EXOC4: variants seen among roughly 807,000 people sequenced by gnomAD.
EXOC4 encodes the protein exocyst complex component 4, also known as SEC8-like 1.
Under a neutral mutation model 107.2 loss-of-function variants are expected in EXOC4, and 71 were observed. That is an observed-to-expected ratio of 0.66 (90% CI 0.55 to 0.81). EXOC4 has a LOEUF of 0.81. EXOC4 is among the 30% of genes least tolerant of loss of function. The pLI, the probability that EXOC4 is intolerant of heterozygous loss-of-function variation, is 0.00. For missense variants in EXOC4, 1,108 were observed against 1,189.6 expected (o/e 0.93, Z 1.01); for synonymous variants, 456 against 441.2 (o/e 1.03, Z -0.42).
intron 10 of EXOC4, among the ~76,000 whole-genome samples, chr7:133,761,560 T>TG (rs1796033143): frequency 6.6e-6 from 1 of 152,184 alleles, no homozygotes; most frequent in African/African-American, 2.4e-5. Context: ...ATGCGTTGGC[T>TG]GTTGACTCAG....
chr7:134,069,586 C>A (rs1435059776), downstream of EXOC4, among the ~76,000 whole-genome samples: 2 of 152,160 alleles, frequency 1.3e-5, no homozygotes, highest in African/African-American at 4.8e-5. Flanking sequence ...CAACCTCTGC[C>A]TCCTGGGTTC....
At chr7:133,816,902 C>T (rs1219404420) in intron 10 of EXOC4, among the ~76,000 whole-genome samples, 2 of 152,160 alleles carry the variant, frequency 1.3e-5, no homozygotes, top group Non-Finnish European at 2.9e-5. Flanking sequence ...TAACAGGCCA[C>T]AGACCCGTAC....
chr7:133,818,625 T>C (rs1049042395), intron 11 of EXOC4, among the ~76,000 whole-genome samples: 1 of 152,160 alleles, frequency 6.6e-6, no homozygotes, highest in African/African-American at 2.4e-5. Context: ...GTGAGGGATC[T>C]GTACTGAGTG....
chr7:133,453,434 A>G lies in EXOC4; in HGVS notation c.1183-21894A>G, dbSNP rs550622126. On this transcript the variant is annotated intron_variant, in intron 7 of 17. Coordinates refer to ENST00000253861, the MANE Select transcript of EXOC4 (RefSeq NM_021807.4). ...TTCTCTCTATATTTGCTCTTGGATA[A>G]TAGCACGCAGATCTGTAATCATTTA... Among the ~76,000 whole-genome samples, 19 of 152,326 alleles carry G rather than the reference A, an allele frequency of 1.2e-4. No individual in the cohort carries two copies. In the South Asian group the frequency reaches 3.7e-3, roughly 30 times the overall value.
chr7:133,945,207 A>G (rs1800521304), intron 14 of EXOC4, among the ~76,000 whole-genome samples: 2 of 152,196 alleles, frequency 1.3e-5, no homozygotes, highest in Admixed American at 1.3e-4. Flanking sequence ...CCTATGTTGT[A>G]AAGGAGTGGT....
intron 9 of EXOC4, among the ~76,000 whole-genome samples, chr7:133,481,404 G>C (rs959743547): frequency 2.6e-5 from 4 of 151,948 alleles, no homozygotes. Flanking sequence ...GTCTTGATGC[G>C]TTGGGCTCAC....
At chr7:133,740,708 C>G (rs1795545621) in intron 10 of EXOC4, among the ~76,000 whole-genome samples, 1 of 152,156 alleles carries the variant, frequency 6.6e-6, no homozygotes, top group African/African-American at 2.4e-5. Context: ...ACAAAGTCCC[C>G]TTTCTCACTC....
At chr7:133,379,377 C>T (rs957366767) in intron 7 of EXOC4, among the ~76,000 whole-genome samples, 7 of 151,844 alleles carry the variant, frequency 4.6e-5, no homozygotes, top group Non-Finnish European at 7.4e-5. Context: ...TGTATCTCTC[C>T]CCTTTTAATA....
At chr7:133,684,767 ACT>A (rs1183897374) in intron 10 of EXOC4, among the ~76,000 whole-genome samples, 1 of 152,228 alleles carries the variant, frequency 6.6e-6, no homozygotes, top group African/African-American at 2.4e-5. Context: ...GTAAATGGAC[ACT>A]GATATTGCAG....
rs1283517837 is a variant in EXOC4, at chr7:133,966,572, A to G, written c.2206+28503A>G. On this transcript the variant is annotated intron_variant, in intron 14 of 17. Coordinates refer to ENST00000253861, the MANE Select transcript of EXOC4 (RefSeq NM_021807.4). ...TTTTATCGAAGGCTTTCCTGCATCT[A>G]TTGAGATAATCATGTGGTTTTGGTC... Among the ~76,000 whole-genome samples the G allele has an allele frequency of 4.6e-5, 7 of 152,188 alleles. 1 individual carries two copies. Among genetic ancestry groups the G allele is most frequent in the Non-Finnish European group, 1.5e-5 (1 of 68,044 alleles).
intron 11 of EXOC4, among the ~76,000 whole-genome samples, chr7:133,850,381 T>A (rs1175982773): frequency 6.6e-6 from 1 of 152,188 alleles, no homozygotes; most frequent in African/African-American, 2.4e-5. Context: ...GAAAACTGAT[T>A]CATTTCCAAG....
chr7:133,439,182 CTTTT>C (rs35280420), intron 7 of EXOC4, among the ~76,000 whole-genome samples: 1 of 94,068 alleles, frequency 1.1e-5, no homozygotes, highest in South Asian at 4.0e-4. Context: ...TTCATCAGTT[CTTTT>C]TTTTTTTTTT....
intron 9 of EXOC4, among the ~76,000 whole-genome samples, chr7:133,609,553 C>T (rs531175243): frequency 8.1e-4 from 124 of 152,304 alleles, no homozygotes; most frequent in African/African-American, 2.8e-3. Flanking sequence ...TATTTTCCAT[C>T]AACTGCAACT....
At chr7:133,511,582 A>T (rs1799769976) in intron 9 of EXOC4, among the ~76,000 whole-genome samples, 1 of 152,086 alleles carries the variant, frequency 6.6e-6, no homozygotes, top group Non-Finnish European at 1.5e-5. Context: ...GTTTTTTCTC[A>T]GTTGCCTTCA....
chr7:133,932,314 G>A (rs1251863934), intron 13 of EXOC4, among the ~76,000 whole-genome samples: 1 of 152,146 alleles, frequency 6.6e-6, no homozygotes, highest in Non-Finnish European at 1.5e-5. Context: ...TGATTCCCAG[G>A]AGCTCACCAT....
At chr7:133,637,822 T>G (rs1039123294) in intron 10 of EXOC4, among the ~76,000 whole-genome samples, 1 of 152,154 alleles carries the variant, frequency 6.6e-6, no homozygotes, top group Non-Finnish European at 1.5e-5. Flanking sequence ...ATTCTAAACT[T>G]TTTTTACTTT....
intron 13 of EXOC4, among the ~76,000 whole-genome samples, chr7:133,937,105 C>T (rs1291315346): frequency 6.6e-6 from 1 of 152,182 alleles, no homozygotes; most frequent in Non-Finnish European, 1.5e-5. Context: ...TTCTTCATCT[C>T]TGCAGTGGCT....
chr7:133,454,132 CT>C (rs1353314131), intron 7 of EXOC4, among the ~76,000 whole-genome samples: 1 of 152,182 alleles, frequency 6.6e-6, no homozygotes, highest in Admixed American at 6.5e-5. Context: ...AGTTTCACCC[CT>C]ACTCACACAT....
intron 13 of EXOC4, among the ~76,000 whole-genome samples, chr7:133,924,095 C>T (rs1469159415): frequency 6.6e-6 from 1 of 152,024 alleles, no homozygotes; most frequent in Non-Finnish European, 1.5e-5. Flanking sequence ...AAGGTCAGGC[C>T]ACAAGGCTCC....
Sources: gnomAD v4.1 joint callset for allele counts (sites outside exome capture counted in the v4.1 genomes callset) on GRCh38, gnomAD v4.1.1 for gene constraint, MANE v1.5 for transcripts, NCBI Gene and HGNC (gene_info 2026-07-23, HGNC 2026-07-21) for gene names.